Variants in BAIAP2 observed in about 807,000 individuals in gnomAD.
The protein encoded by BAIAP2 is BAR/IMD domain containing adaptor protein 2.
BAIAP2 carries 18 observed loss-of-function variants against 63.0 expected under a neutral mutation model. The ratio of observed to expected loss-of-function variants is 0.29; its 90% confidence interval spans 0.20 to 0.42. The LOEUF (loss-of-function observed/expected upper bound fraction) is 0.42. BAIAP2 is among the 10% of genes least tolerant of loss of function. The probability of loss-of-function intolerance (pLI) is 1.00; values close to 1 mark genes in which losing one functional copy is unlikely to be tolerated. For synonymous variants in BAIAP2, 386 were observed against 307.6 expected (o/e 1.25, Z -2.67); for missense variants, 610 against 734.3 (o/e 0.83, Z 1.96).
intron 2 of BAIAP2, among the ~76,000 whole-genome samples, chr17:81,056,737 C>G (rs2049634034): frequency 6.6e-6 from 1 of 152,236 alleles, no homozygotes; most frequent in Non-Finnish European, 1.5e-5. Context: ...TGGGAATGAG[C>G]TCGGCCGTCC....
chr17:81,095,488 T>C (rs1439280565), intron 6 of BAIAP2, among the ~76,000 whole-genome samples: 2 of 152,178 alleles, frequency 1.3e-5, no homozygotes, highest in African/African-American at 4.8e-5. Flanking sequence ...TCGTGGCCTC[T>C]CTGTATGAGG....
chr17:81,090,913 G>C (rs1276039644), intron 6 of BAIAP2, among the ~76,000 whole-genome samples: 2 of 152,164 alleles, frequency 1.3e-5, no homozygotes, highest in East Asian at 3.9e-4. Context: ...TCTACTTTAG[G>C]GTGTGGCCGC....
At chr17:81,091,766 G>A (rs532112267) in intron 6 of BAIAP2, among the ~76,000 whole-genome samples, 89 of 152,362 alleles carry the variant, frequency 5.8e-4, no homozygotes, top group African/African-American at 2.0e-3. Context: ...AGGGGCGTGA[G>A]TAGCAGAGAA....
At chr17:81,102,150 C>A (rs1471311314) in intron 7 of BAIAP2, among the ~76,000 whole-genome samples, 1 of 152,100 alleles carries the variant, frequency 6.6e-6, no homozygotes, top group Non-Finnish European at 1.5e-5. Context: ...GTCCCACAGA[C>A]CCACTTAGAG....
intron 10 of BAIAP2, chr17:81,105,748 A>G (rs2059109462): frequency 1.1e-5 from 3 of 271,288 alleles, no homozygotes; most frequent in Admixed American, 5.1e-5. Flanking sequence ...GGCCACTCCA[A>G]TCTTGGTGCC....
At chr17:81,070,600 C>G (rs2052435553) in intron 3 of BAIAP2, among the ~76,000 whole-genome samples, 1 of 152,204 alleles carries the variant, frequency 6.6e-6, no homozygotes, top group East Asian at 1.9e-4. Flanking sequence ...GCGTGCCTGT[C>G]CCGCTGCAGC....
In BAIAP2 at chr17:81,044,874, C is replaced by T. The variant is rs567843833; in HGVS notation, c.55-8794C>T. Among the ~76,000 whole-genome samples, 348 of 152,342 alleles carry T rather than the reference C, an allele frequency of 2.3e-3. 3 individuals are homozygous for T. Among genetic ancestry groups the T allele is most frequent in the Non-Finnish European group, 1.6e-3 (107 of 68,028 alleles). On this transcript the variant is annotated intron_variant, in intron 1 of 13. Coordinates refer to ENST00000428708, the MANE Select transcript of BAIAP2 (RefSeq NM_001144888.2). Reference sequence around the variant, plus strand: ...GTGCTGGCCACAGGCGAAAGGCAGCCGGAATGCACCGTCCCGTGTGGGCCG... The same window carrying T: ...GTGCTGGCCACAGGCGAAAGGCAGCTGGAATGCACCGTCCCGTGTGGGCCG...
chr17:81,100,689 G>A (rs1256889793), intron 7 of BAIAP2, among the ~76,000 whole-genome samples: 2 of 152,160 alleles, frequency 1.3e-5, no homozygotes, highest in South Asian at 2.1e-4. Context: ...GCTGTCGTAC[G>A]TGGACCTGCC....
chr17:81,035,272 A>G lies in BAIAP2; in HGVS notation c.18A>G (p.Ser6=), dbSNP rs778037074. ...CCAGGACCATGTCTCTGTCTCGCTC[A>G]GAGGAGATGCACCGGCTCACGGAAA... MSLSR[S]EEMHRLTENV... The change falls in exon 1 of 14, where the codon TCA becomes TCG. Residue 6 remains serine, a synonymous_variant. Transcript: ENST00000428708. 6 of 1,521,232 alleles carry G rather than the reference A, an allele frequency of 3.9e-6. No homozygotes were observed. The highest frequency in any genetic ancestry group is 3.9e-5 in the Admixed American group (2 of 51,824). The allele number at this position is 1,521,232 out of a possible 1,614,324, so 94.2% of individuals were successfully genotyped here. A position where few individuals can be genotyped will look rare whatever the true frequency, so the allele number is the denominator to read the frequency against.
At chr17:81,096,522 C>T (rs1008507871) in intron 6 of BAIAP2, among the ~76,000 whole-genome samples, 5 of 152,100 alleles carry the variant, frequency 3.3e-5, no homozygotes, top group Admixed American at 2.0e-4. Context: ...TGCAGGCGGC[C>T]TTGGAACAGG....
At chr17:81,095,214 C>CT (rs1365172017) in intron 6 of BAIAP2, among the ~76,000 whole-genome samples, 1 of 152,184 alleles carries the variant, frequency 6.6e-6, no homozygotes, top group Non-Finnish European at 1.5e-5. Flanking sequence ...GCCACTGGGA[C>CT]TGCCTGCCCA....
intron 3 of BAIAP2, among the ~76,000 whole-genome samples, chr17:81,071,198 G>A (rs529242180): frequency 5.3e-5 from 8 of 152,152 alleles, no homozygotes; most frequent in African/African-American, 1.9e-4. Flanking sequence ...GGAGAAGCTG[G>A]TGGCTGGAGG....
intron 1 of BAIAP2, 111 bp downstream of exon 1, chr17:81,035,419 G>T (rs1168787952): frequency 5.3e-6 from 3 of 569,084 alleles, no homozygotes; most frequent in Non-Finnish European, 6.7e-6. Flanking sequence ...GCCGGGCCAG[G>T]AGGCTGGGAC....
chr17:81,068,815 G>A (rs932123100), intron 3 of BAIAP2, among the ~76,000 whole-genome samples: 11 of 152,198 alleles, frequency 7.2e-5, no homozygotes, highest in African/African-American at 2.7e-4. Context: ...CTGGTTGCCA[G>A]TGTCTCTGTC....
At chr17:81,055,938 C>CT (rs1264913546) in intron 2 of BAIAP2, among the ~76,000 whole-genome samples, 1 of 152,126 alleles carries the variant, frequency 6.6e-6, no homozygotes, top group Non-Finnish European at 1.5e-5. Flanking sequence ...CCAGGAGCTT[C>CT]TTGGATGAGG....
chr17:81,107,171 C>T, intron 12 of BAIAP2: 1 of 485,694 alleles, frequency 2.1e-6, no homozygotes, highest in South Asian at 3.1e-5. Flanking sequence ...CTCAGCCAGC[C>T]ACGGGCAACT....
Position 81,106,813 on chromosome 17 carries a change from C to G in BAIAP2, c.1406C>G (p.Pro469Arg). ...AAGGACGACCTGGCCATCCCACCCC[C>G]CGATTACGGCGCCGCCTCCCGGGCC... ...LDKDDLAIPP[P>R]DYGAASRAFP... The change falls in exon 12 of 14, where the codon CCC becomes CGC. Residue 469 changes from proline (P) to arginine (R), a missense_variant. By Grantham distance (103) the Pro-to-Arg change is moderately radical (BLOSUM62 -2). Coordinates refer to ENST00000428708, the MANE Select transcript of BAIAP2 (RefSeq NM_001144888.2). The G allele has an allele frequency of 6.2e-7, 1 of 1,612,342 alleles. No individual in the cohort carries two copies. Among genetic ancestry groups the G allele is most frequent in the Non-Finnish European group, 8.5e-7 (1 of 1,179,680 alleles).
intron 1 of BAIAP2, among the ~76,000 whole-genome samples, chr17:81,051,974 G>A (rs544584319): frequency 6.6e-6 from 1 of 152,212 alleles, no homozygotes; most frequent in African/African-American, 2.4e-5. Context: ...ATACGTGCGA[G>A]CCACCGCATC....
chr17:81,106,916 G>A lies in BAIAP2; in HGVS notation c.1500+9G>A, dbSNP rs2059247488. 1 of 1,509,024 alleles carries A rather than the reference G, an allele frequency of 6.6e-7. No individual in the cohort carries two copies. The highest frequency in any genetic ancestry group is 8.9e-7 in the Non-Finnish European group (1 of 1,126,254). 93.5% of individuals were successfully genotyped at this position (1,509,024 alleles called of 1,614,324 possible). A position where few individuals can be genotyped will look rare whatever the true frequency, so the allele number is the denominator to read the frequency against. ...TGCCCGCCTTCTCCCAGGTCAGTGG[G>A]CGGGGCCGGGGCTGGGAGGGGCCCG... On this transcript the variant is annotated intron_variant, in intron 12 of 13. Transcript: ENST00000428708.
Sources: gnomAD v4.1 joint callset for allele counts (sites outside exome capture counted in the v4.1 genomes callset) on GRCh38, gnomAD v4.1.1 for gene constraint, MANE v1.5 for transcripts, NCBI Gene and HGNC (gene_info 2026-07-23, HGNC 2026-07-21) for gene names.